Variants in SPATC1 observed in about 807,000 individuals in gnomAD.
SPATC1 encodes speriolin.
SPATC1 carries 35 observed loss-of-function variants against 36.5 expected under a neutral mutation model. The ratio of observed to expected loss-of-function variants is 0.96; its 90% CI spans 0.73 to 1.27. SPATC1 has a LOEUF of 1.27. Ranked by LOEUF, SPATC1 falls within the 50% of genes most tolerant of loss-of-function variation. The probability of loss-of-function intolerance (pLI) is 0.00; values close to 1 mark genes in which losing one functional copy is unlikely to be tolerated. For missense variants in SPATC1, 779 were observed against 796.0 expected (o/e 0.98, Z 0.26); for synonymous variants, 361 against 353.6 (o/e 1.02, Z -0.24).
At chr8:144,012,914 T>C in intron 1 of SPATC1, 188 bp downstream of exon 1, 1 of 684,194 alleles carries the variant, frequency 1.5e-6, no homozygotes. Context: ...TTCCCTCCTG[T>C]CCAGGGTGGA....
upstream of SPATC1, among the ~76,000 whole-genome samples, chr8:144,012,231 G>A (rs779993897): frequency 1.7e-4 from 26 of 152,244 alleles, no homozygotes; most frequent in Non-Finnish European, 3.1e-4. Context: ...GAAGTTTCAC[G>A]GAAGAGGCAC....
chr8:144,033,977 G>T (rs1834849054), intron 1 of SPATC1, among the ~76,000 whole-genome samples: 1 of 152,234 alleles, frequency 6.6e-6, no homozygotes. Flanking sequence ...TGAAAGAGCT[G>T]AGGTTGCATT....
chr8:144,022,717 T>C (rs1834562777), intron 1 of SPATC1, among the ~76,000 whole-genome samples: 1 of 151,282 alleles, frequency 6.6e-6, no homozygotes, highest in Non-Finnish European at 1.5e-5. Context: ...CTATCTTCCC[T>C]GAGGAAACTC....
At chr8:144,015,920 G>A (rs1186867187) in intron 1 of SPATC1, among the ~76,000 whole-genome samples, 7 of 151,722 alleles carry the variant, frequency 4.6e-5, no homozygotes, top group Middle Eastern at 3.4e-3. Flanking sequence ...AAAATTAGCC[G>A]GGCGTGGTGG....
At chr8:144,014,871 T>C (rs528096983) in intron 1 of SPATC1, among the ~76,000 whole-genome samples, 1 of 152,168 alleles carries the variant, frequency 6.6e-6, no homozygotes, top group Admixed American at 6.5e-5. Flanking sequence ...CCACACATAC[T>C]CTGCAGTGTG....
chr8:144,041,302 C>T lies in SPATC1; in HGVS notation c.1377C>T (p.Ser459=), dbSNP rs782266114. 5 of 1,613,086 alleles carry T rather than the reference C, an allele frequency of 3.1e-6. No individual in the cohort carries two copies. The African/African-American group carries it at 6.7e-5, about 22-fold the overall frequency. ...TCCAGCTGGACCGCAGGATCCTGTC[C>T]AGCATCTTCCCAGAGCGCGTACGGC... The part of the protein sequence containing the change: ...IAFQLDRRIL[S]SIFPERVRLY... Residue 459 remains serine, a synonymous_variant, in exon 4 of 5, where the codon TCC becomes TCT. Transcript: ENST00000377470.
chr8:144,028,118 G>A (rs1834722751), intron 1 of SPATC1, among the ~76,000 whole-genome samples: 1 of 152,012 alleles, frequency 6.6e-6, no homozygotes, highest in Non-Finnish European at 1.5e-5. Flanking sequence ...GAAAATCTAG[G>A]CAATACCATT....
chr8:144,025,904 A>C (rs1834667727), intron 1 of SPATC1, among the ~76,000 whole-genome samples: 1 of 152,196 alleles, frequency 6.6e-6, no homozygotes, highest in African/African-American at 2.4e-5. Context: ...ACCCCAGTGA[A>C]TCTTTTTTAA....
rs1554755784 is a variant in SPATC1, at chr8:144,040,781, C to T, written c.980C>T (p.Thr327Ile). 1.3e-6 allele frequency: 2 copies of T among 1,562,204 alleles called. No homozygotes were observed. The highest frequency in any genetic ancestry group is 1.7e-6 in the Non-Finnish European group (2 of 1,155,464). ...VVPASVPTSPTTSPTVTVLAS... is the reference protein window; with the variant it reads ...VVPASVPTSPITSPTVTVLAS... ...CCTGCATCTGTCCCCACCTCCCCCA[C>T]CACCTCCCCCACGGTCACCGTCCTT... Residue 327 changes from threonine (T) to isoleucine (I), a missense_variant, in exon 3 of 5, where the codon ACC becomes ATC. Physicochemically the swap from Thr to Ile is moderately conservative, Grantham distance 89 (BLOSUM62 -1). Transcript: ENST00000377470.
At chr8:144,019,871 A>G (rs1475967402) in intron 1 of SPATC1, among the ~76,000 whole-genome samples, 1 of 151,682 alleles carries the variant, frequency 6.6e-6, no homozygotes, top group Non-Finnish European at 1.5e-5. Context: ...CTACCTGAGG[A>G]TCCTCTCCCC....
At chr8:144,038,184 C>T (rs1422963061) in intron 1 of SPATC1, among the ~76,000 whole-genome samples, 3 of 150,794 alleles carry the variant, frequency 2.0e-5, no homozygotes, top group African/African-American at 4.9e-5. Context: ...CCTGTAATCC[C>T]AGTACTTTGG....
At chr8:144,018,967 G>A (rs1189968160) in intron 1 of SPATC1, among the ~76,000 whole-genome samples, 5 of 149,208 alleles carry the variant, frequency 3.4e-5, no homozygotes, top group Non-Finnish European at 5.9e-5. Flanking sequence ...GCATGAACCC[G>A]GGAGGCAGAG....
intron 1 of SPATC1, among the ~76,000 whole-genome samples, chr8:144,035,603 C>T (rs886600312): frequency 6.6e-6 from 1 of 152,208 alleles, no homozygotes; most frequent in South Asian, 2.1e-4. Flanking sequence ...CCAACTTGGT[C>T]GAAAAACAGA....
At chr8:144,028,728 A>C (rs1161270992) in intron 1 of SPATC1, among the ~76,000 whole-genome samples, 1 of 152,248 alleles carries the variant, frequency 6.6e-6, no homozygotes, top group Non-Finnish European at 1.5e-5. Context: ...AATATAAATC[A>C]TTCTATTATG....
rs112251503 is a variant in SPATC1 at position 144,046,789 on chromosome 8, G to C, written c.1609G>C (p.Glu537Gln). The C allele has an allele frequency of 1.2e-3, 1,864 of 1,608,606 alleles. 19 individuals carry two copies. In the African/African-American group the frequency reaches 0.022, roughly 19 times the overall value. Reference sequence around the variant, plus strand: ...GGTGAACGCTTATGGCATCCTGCGAGAGCGCCCGGAGCTGGCGGCGTCTGA... The same window carrying C: ...GGTGAACGCTTATGGCATCCTGCGACAGCGCCCGGAGCTGGCGGCGTCTGA... ...QLVNAYGILR[E>Q]RPELAASEGG... Residue 537 changes from glutamate to glutamine, a missense_variant, in exon 5 of 5, where the codon GAG (glutamate) becomes CAG (glutamine). Coordinates refer to ENST00000377470, the MANE Select transcript of SPATC1 (RefSeq NM_198572.3). The surrounding 1 kb of genome is among the most constrained non-coding windows in gnomAD (Gnocchi z 6.6).
intron 1 of SPATC1, among the ~76,000 whole-genome samples, chr8:144,025,692 T>C (rs1208086210): frequency 6.6e-6 from 1 of 152,154 alleles, no homozygotes; most frequent in Non-Finnish European, 1.5e-5. Flanking sequence ...GGTACCCTGT[T>C]TCCTGACCAG....
intron 1 of SPATC1, among the ~76,000 whole-genome samples, chr8:144,036,832 C>A (rs1271502678): frequency 6.6e-6 from 1 of 151,706 alleles, no homozygotes. Flanking sequence ...TCAGGGAACA[C>A]GGGAATCGAT....
In SPATC1 at chr8:144,039,925, G is replaced by A. The variant is rs377548022; in HGVS notation, c.228G>A (p.Pro76=). The A allele has an allele frequency of 2.9e-5, 47 of 1,613,524 alleles. No homozygotes were observed. Among genetic ancestry groups the A allele is most frequent in the South Asian group, 1.3e-4 (12 of 91,056 alleles). Residue 76 remains proline, a synonymous_variant, in exon 2 of 5, where the codon CCG becomes CCA. Coordinates refer to ENST00000377470, the MANE Select transcript of SPATC1 (RefSeq NM_198572.3). ...SRQNNGVFLP[P]SPAVANERVL... is the part of the protein sequence containing the mutation. ...TGTTCCCAGGTGTCTTCCTGCCCCC[G>A]TCCCCAGCAGTGGCAAACGAACGAG...
chr8:144,012,759 G>A, intron 1 of SPATC1, 33 bp downstream of exon 1: 1 of 1,548,984 alleles, frequency 6.5e-7, no homozygotes, highest in Non-Finnish European at 8.7e-7. Flanking sequence ...GAGTGAGGAG[G>A]GAAGTGGGGA....
Sources: gnomAD v4.1 joint callset for allele counts (sites outside exome capture counted in the v4.1 genomes callset) on GRCh38, gnomAD v4.1.1 for gene constraint, Gnocchi (gnomAD v3.1) non-coding constraint, MANE v1.5 for transcripts, NCBI Gene and HGNC (gene_info 2026-07-23, HGNC 2026-07-21) for gene names.